Variants in KANK1 observed in about 807,000 individuals in gnomAD.
KANK1 encodes KN motif and ankyrin repeat domain-containing protein 1.
KANK1 carries 109 observed loss-of-function variants against 106.2 expected under a neutral mutation model. The ratio of observed to expected loss-of-function variants is 1.03; its 90% CI spans 0.88 to 1.20. KANK1 has a LOEUF of 1.20. Among genes scored for constraint, KANK1 ranks in the 50% most tolerant of loss-of-function variants. The pLI, the probability that KANK1 is intolerant of heterozygous loss-of-function variation, is 0.00. For missense variants in KANK1, 2,399 were observed against 1,710.7 expected, an observed-to-expected ratio of 1.40 and a Z score of -7.10; for synonymous variants, 873 against 652.2, an observed-to-expected ratio of 1.34 and a Z score of -5.16.
intron 1 of KANK1, among the ~76,000 whole-genome samples, chr9:589,064 C>G (rs1415636779): frequency 6.6e-6 from 1 of 152,216 alleles, no homozygotes; most frequent in Non-Finnish European, 1.5e-5. Flanking sequence ...AAATTACCTT[C>G]CGTGACTCAG....
chr9:732,096 T>C (rs1832453282), intron 5 of KANK1: 1 of 268,320 alleles, frequency 3.7e-6, no homozygotes, highest in African/African-American at 2.2e-5. Context: ...TTCCATAAAG[T>C]ATGTTTTCTC....
At chr9:482,753 C>T (rs61121396) in intron 3 of KANK1, among the ~76,000 whole-genome samples, 2,173 of 152,320 alleles carry the variant, frequency 0.014, 59 homozygotes, top group African/African-American at 0.048. Context: ...CCAAACAATA[C>T]ACGCATTTGA....
intron 1 of KANK1, among the ~76,000 whole-genome samples, chr9:560,598 C>A (rs570415063): frequency 6.6e-6 from 1 of 152,092 alleles, no homozygotes; most frequent in African/African-American, 2.4e-5. Flanking sequence ...TTTTAACATG[C>A]CCATGTTTGT....
intron 1 of KANK1, among the ~76,000 whole-genome samples, chr9:653,840 C>T (rs975412115): frequency 2.6e-5 from 4 of 152,172 alleles, no homozygotes; most frequent in African/African-American, 9.7e-5. Flanking sequence ...TTAGTGTTGT[C>T]TTTGTGTTTA....
At chr9:568,074 A>G (rs924689163) in intron 1 of KANK1, among the ~76,000 whole-genome samples, 3 of 152,108 alleles carry the variant, frequency 2.0e-5, no homozygotes, top group African/African-American at 7.2e-5. Context: ...CTCAAGAGTT[A>G]ATTTGACTAA....
At chr9:499,732 A>T (rs1302646323), upstream of KANK1, among the ~76,000 whole-genome samples, 1 of 152,232 alleles carries the variant, frequency 6.6e-6, no homozygotes, top group East Asian at 1.9e-4. Context: ...GTTAAAACTG[A>T]GAATTACATT....
At chr9:657,044 C>A (rs1183374208) in intron 1 of KANK1, among the ~76,000 whole-genome samples, 1 of 151,446 alleles carries the variant, frequency 6.6e-6, no homozygotes, top group Non-Finnish European at 1.5e-5. Flanking sequence ...CTCTGTTTCC[C>A]CCTGTGCCAG....
rs998335255 is a variant in KANK1, at chr9:545,443, G to A, written c.-84+40689G>A. 4.6e-5 allele frequency among the ~76,000 whole-genome samples: 7 copies of A among 152,298 alleles called. No homozygotes were observed. The South Asian group carries it at 6.2e-4, about 14-fold the overall frequency. Reference sequence around the variant, plus strand: ...TTCCCATGTGGATAGTAACTGCAGCGGATGAGGTGATAAGATCACCTAGTT... The same window carrying A: ...TTCCCATGTGGATAGTAACTGCAGCAGATGAGGTGATAAGATCACCTAGTT... On this transcript the variant is annotated intron_variant, in intron 1 of 11. Transcript: ENST00000382297.
At chr9:701,188 A>C (rs1429821442) in intron 2 of KANK1, among the ~76,000 whole-genome samples, 1 of 152,126 alleles carries the variant, frequency 6.6e-6, no homozygotes, top group African/African-American at 2.4e-5. Context: ...ATCTTGGCTC[A>C]CCACAACCTC....
At chr9:626,509 C>G (rs984865662) in intron 1 of KANK1, among the ~76,000 whole-genome samples, 1 of 152,160 alleles carries the variant, frequency 6.6e-6, no homozygotes, top group Non-Finnish European at 1.5e-5. Context: ...CTCCTTTAGT[C>G]AGATTCTGTG....
chr9:671,996 T>A (rs187376385), intron 1 of KANK1, among the ~76,000 whole-genome samples: 19,313 of 152,148 alleles, frequency 0.13, 1,286 homozygotes, highest in Non-Finnish European at 0.15. Flanking sequence ...CTTTCTTATC[T>A]AAAAAGGATT....
rs538601936 is a variant in KANK1 at position 596,936 on chromosome 9, C to G, written c.-83-79954C>G. On this transcript the variant is annotated intron_variant, in intron 1 of 11. Coordinates refer to ENST00000382297, the MANE Select transcript of KANK1 (RefSeq NM_015158.5). The stretch of plus-strand genomic sequence containing the variant: ...TCTCTCATCCCTGACAATCATTAAT[C>G]TGCTTTCAGTCTCTATGAATTTACA... Among the ~76,000 whole-genome samples, 4 of 132,786 alleles carry G rather than the reference C, an allele frequency of 3.0e-5. No homozygotes were observed. In the South Asian group the frequency reaches 1.2e-3, roughly 40 times the overall value. 87.1% of individuals were successfully genotyped at this position (132,786 alleles called of 152,430 possible). A position where few individuals can be genotyped will look rare whatever the true frequency, so the allele number is the denominator to read the frequency against.
At chr9:639,389 G>T (rs947706048) in intron 1 of KANK1, among the ~76,000 whole-genome samples, 1 of 151,988 alleles carries the variant, frequency 6.6e-6, no homozygotes, top group Non-Finnish European at 1.5e-5. Context: ...GCAGTGGCAC[G>T]ATCTGCAACC....
At chr9:501,414 TA>T (rs144071363), upstream of KANK1, among the ~76,000 whole-genome samples, 65 of 149,474 alleles carry the variant, frequency 4.3e-4, no homozygotes, top group East Asian at 1.4e-3. Flanking sequence ...ACAAACTTTA[TA>T]AAAAAAAAAT....
chr9:539,192 A>G (rs1052813099), intron 1 of KANK1, among the ~76,000 whole-genome samples: 4 of 151,988 alleles, frequency 2.6e-5, no homozygotes, highest in Non-Finnish European at 5.9e-5. Context: ...AAAACTTTCC[A>G]GTTTTTAAAT....
At chr9:563,797 G>A (rs958138053) in intron 1 of KANK1, among the ~76,000 whole-genome samples, 36 of 152,304 alleles carry the variant, frequency 2.4e-4, no homozygotes, top group Middle Eastern at 3.4e-3. Context: ...ATTCAGTTCA[G>A]CCCGGATAGT....
intron 1 of KANK1, among the ~76,000 whole-genome samples, chr9:644,375 C>G (rs1839190622): frequency 6.6e-6 from 1 of 150,862 alleles, no homozygotes; most frequent in South Asian, 2.1e-4. Flanking sequence ...TCTCTCACTG[C>G]TATAAAGAAA....
intron 1 of KANK1, among the ~76,000 whole-genome samples, chr9:613,846 G>A (rs1475561807): frequency 6.6e-6 from 1 of 152,160 alleles, no homozygotes; most frequent in East Asian, 1.9e-4. Flanking sequence ...CTTTTGGGAA[G>A]TTAAATATGA....
intron 1 of KANK1, among the ~76,000 whole-genome samples, chr9:508,972 T>C (rs184466286): frequency 1.0e-3 from 152 of 152,352 alleles, no homozygotes; most frequent in African/African-American, 3.5e-3. Flanking sequence ...GGTACAGTCA[T>C]GCGGATTTCT....
Sources: gnomAD v4.1 joint callset for allele counts (sites outside exome capture counted in the v4.1 genomes callset) on GRCh38, gnomAD v4.1.1 for gene constraint, MANE v1.5 for transcripts, NCBI Gene and HGNC (gene_info 2026-07-23, HGNC 2026-07-21) for gene names.